TAF3: variants seen among roughly 807,000 people sequenced by gnomAD.
The protein encoded by TAF3 is TATA-box binding protein associated factor 3.
TAF3 carries 7 observed loss-of-function variants against 80.6 expected under a neutral mutation model. That is an observed-to-expected ratio of 0.09 (90% CI 0.05 to 0.16). The LOEUF (loss-of-function observed/expected upper bound fraction) is 0.16, where lower values mean the gene tolerates loss of function less well. Ranked by LOEUF, TAF3 falls within the 10% of genes least tolerant of loss-of-function variation. The pLI is 1.00. For missense variants in TAF3, 921 were observed against 1,140.2 expected (o/e 0.81, Z 2.77); for synonymous variants, 444 against 446.1 (o/e 1.00, Z 0.06).
Position 7,965,512 on chromosome 10 carries a change from C to T in TAF3, c.2002C>T (p.Pro668Ser). The T allele has an allele frequency of 6.2e-7, 1 of 1,602,820 alleles. No homozygotes were observed. The highest frequency in any genetic ancestry group is 1.7e-4 in the Middle Eastern group (1 of 5,966). ...PKELALPLFS[P>S]ATASRVPAML... ...AGAGTTGGCCCTGCCCTTGTTCAGC[C>T]CTGCCACAGCCTCCAGGGTCCCAGC... is the stretch of plus-strand genomic sequence containing the variant. The change falls in exon 3 of 7, where the codon CCT becomes TCT. Residue 668 changes from proline to serine, a missense_variant. Transcript: ENST00000344293.
At chr10:8,012,624 AC>A (rs1832065980) in intron 5 of TAF3, among the ~76,000 whole-genome samples, 3 of 151,992 alleles carry the variant, frequency 2.0e-5, no homozygotes, top group Admixed American at 1.3e-4. Flanking sequence ...GCTGGTTCTC[AC>A]CCCTTGTTAC....
intron 4 of TAF3, among the ~76,000 whole-genome samples, chr10:8,001,583 G>T (rs767940712): frequency 2.6e-5 from 4 of 152,046 alleles, no homozygotes; most frequent in African/African-American, 7.2e-5. Flanking sequence ...TAAAATTGTC[G>T]TGCAGTCAAA....
At chr10:7,977,474 A>G (rs1038448976) in intron 4 of TAF3, 151 bp downstream of exon 4, 12 of 636,290 alleles carry the variant, frequency 1.9e-5, no homozygotes, top group African/African-American at 1.3e-4. Flanking sequence ...TCAAGTTTTT[A>G]TTGGTTTCTT....
chr10:7,833,504 A>T (rs1836822357), intron 2 of TAF3: 1 of 152,180 alleles, frequency 6.6e-6, no homozygotes, highest in African/African-American at 2.4e-5. Context: ...TATTTTGAGG[A>T]ATGTCTATTC....
intron 2 of TAF3, among the ~76,000 whole-genome samples, chr10:7,835,152 GGAA>G (rs1190970247): frequency 2.6e-5 from 4 of 152,098 alleles, no homozygotes; most frequent in Non-Finnish European, 2.9e-5. Flanking sequence ...GGGTCACACT[GGAA>G]GAAGAAGGAT....
intron 4 of TAF3, among the ~76,000 whole-genome samples, chr10:7,994,285 G>C (rs939191669): frequency 2.0e-5 from 3 of 151,952 alleles, no homozygotes; most frequent in African/African-American, 4.8e-5. Flanking sequence ...TATTTCCACA[G>C]ATCTGGAATT....
At chr10:7,905,600 G>C (rs1381257623) in intron 2 of TAF3, among the ~76,000 whole-genome samples, 1 of 152,048 alleles carries the variant, frequency 6.6e-6, no homozygotes, top group African/African-American at 2.4e-5. Flanking sequence ...ACTTAAGCAG[G>C]GCCAGGCGCG....
intron 2 of TAF3, among the ~76,000 whole-genome samples, chr10:7,932,569 C>A (rs1164539458): frequency 6.6e-6 from 1 of 151,952 alleles, no homozygotes; most frequent in African/African-American, 2.4e-5. Context: ...TTCCTGTATT[C>A]TCTAACTTGA....
chr10:7,876,823 C>G (rs1309489207), intron 2 of TAF3, among the ~76,000 whole-genome samples: 1 of 152,294 alleles, frequency 6.6e-6, no homozygotes, highest in African/African-American at 2.4e-5. Flanking sequence ...CTTCCCCCAG[C>G]AGATTGTTGA....
At chr10:7,895,686 C>T (rs1406703196) in intron 2 of TAF3, among the ~76,000 whole-genome samples, 5 of 151,980 alleles carry the variant, frequency 3.3e-5, no homozygotes, top group African/African-American at 1.2e-4. Flanking sequence ...TGGAATGAGA[C>T]TTTCCATTGC....
At chr10:7,909,992 C>T (rs970760043) in intron 2 of TAF3, among the ~76,000 whole-genome samples, 1 of 152,122 alleles carries the variant, frequency 6.6e-6, no homozygotes, top group African/African-American at 2.4e-5. Flanking sequence ...AAATCGTCTC[C>T]AGGTTACTTA....
At chr10:7,871,307 AT>A (rs1471185506) in intron 2 of TAF3, among the ~76,000 whole-genome samples, 4 of 152,086 alleles carry the variant, frequency 2.6e-5, no homozygotes, top group Non-Finnish European at 5.9e-5. Flanking sequence ...CTAAGCATAT[AT>A]TAATTGTTCC....
intron 2 of TAF3, among the ~76,000 whole-genome samples, chr10:7,867,619 A>G (rs971050793): frequency 2.6e-5 from 4 of 152,180 alleles, no homozygotes; most frequent in Admixed American, 6.5e-5. Flanking sequence ...CTCATCCTGT[A>G]TGGTATTTCA....
rs756422852 is a variant in TAF3, at chr10:7,904,433, CGTT to C, written c.410-59484_410-59482del. On this transcript the variant is annotated intron_variant, in intron 2 of 6. Coordinates refer to ENST00000344293, the MANE Select transcript of TAF3 (RefSeq NM_031923.4). Reference sequence around the variant, plus strand: ...TTAACTGTTAATGCCATGAGAAAGACGTTGTCTGTCCAGTTCATCATTGCATAT... The same window carrying C: ...TTAACTGTTAATGCCATGAGAAAGACGTCTGTCCAGTTCATCATTGCATAT... 2.0e-5 allele frequency among the ~76,000 whole-genome samples: 3 copies of C among 152,256 alleles called. No individual in the cohort carries two copies. The East Asian group carries it at 5.8e-4, about 29-fold the overall frequency.
intron 4 of TAF3, among the ~76,000 whole-genome samples, chr10:8,001,923 C>CT: frequency 6.6e-6 from 1 of 152,292 alleles, no homozygotes; most frequent in Non-Finnish European, 1.5e-5. Context: ...ACATTTTCCA[C>CT]TATAACAGCC....
chr10:7,983,306 G>A (rs772755632), intron 4 of TAF3, among the ~76,000 whole-genome samples: 12 of 152,184 alleles, frequency 7.9e-5, no homozygotes, highest in Non-Finnish European at 1.8e-4. Context: ...AGGAAAGGAG[G>A]GCTCACACCA....
chr10:7,964,952 C>T lies in TAF3; in HGVS notation c.1442C>T (p.Thr481Ile), dbSNP rs1564372906. Residue 481 changes from threonine to isoleucine, a missense_variant, in exon 3 of 7, where the codon ACA (threonine) becomes ATA (isoleucine). Transcript: ENST00000344293. The surrounding 1 kb of genome is among the most constrained non-coding windows in gnomAD (Gnocchi z 4.1). ...GTTGTACGTAAAGCAAAACTGGGAA[C>T]ACCTTCAAATATGCCCCCCAACTTT... The part of the protein sequence containing the change: ...DEVVRKAKLG[T>I]PSNMPPNFPY... 11 of 1,614,150 alleles carry T rather than the reference C, an allele frequency of 6.8e-6. No homozygotes were observed. The highest frequency in any genetic ancestry group is 9.3e-6 in the Non-Finnish European group (11 of 1,180,018).
chr10:7,995,981 C>T (rs927773233), intron 4 of TAF3, among the ~76,000 whole-genome samples: 11 of 152,120 alleles, frequency 7.2e-5, no homozygotes, highest in African/African-American at 1.9e-4. Context: ...TACAGTTTGG[C>T]GTCTTAAGGA....
intron 2 of TAF3, among the ~76,000 whole-genome samples, chr10:7,946,767 A>G (rs1838028491): frequency 6.6e-6 from 1 of 151,840 alleles, no homozygotes; most frequent in Non-Finnish European, 1.5e-5. Flanking sequence ...CATCACTACC[A>G]CCTTCCCAGT....
Sources: allele counts gnomAD v4.1 joint callset (sites outside exome capture counted in the v4.1 genomes callset), GRCh38; gene constraint gnomAD v4.1.1; non-coding constraint Gnocchi (gnomAD v3.1); transcripts MANE v1.5; gene names NCBI Gene and HGNC (gene_info 2026-07-23, HGNC 2026-07-21).